UNC5A: variants seen among roughly 807,000 people sequenced by gnomAD.
UNC5A encodes the protein netrin receptor UNC5A.
UNC5A carries 20 observed loss-of-function variants against 87.4 expected under a neutral mutation model. The observed-to-expected ratio is 0.23, with a 90% confidence interval of 0.16 to 0.33. The LOEUF (loss-of-function observed/expected upper bound fraction) is 0.33, where lower values mean the gene tolerates loss of function less well. Ranked by LOEUF, UNC5A falls within the 10% of genes least tolerant of loss-of-function variation. The pLI is 1.00. For missense variants in UNC5A, 844 were observed against 1,133.4 expected (o/e 0.74, Z 3.67); for synonymous variants, 438 against 482.3 (o/e 0.91, Z 1.20).
intron 1 of UNC5A, among the ~76,000 whole-genome samples, chr5:176,827,517 G>T (rs1402842060): frequency 1.3e-5 from 2 of 152,124 alleles, no homozygotes; most frequent in Non-Finnish European, 2.9e-5. Context: ...ATATTTCATT[G>T]TATGGATGGA....
intron 1 of UNC5A, among the ~76,000 whole-genome samples, chr5:176,855,227 G>T (rs1757636716): frequency 6.6e-6 from 1 of 152,224 alleles, no homozygotes; most frequent in South Asian, 2.1e-4. Context: ...GCCTTACGAA[G>T]GCCTACAATG....
chr5:176,873,680 C>G (rs531239708), intron 6 of UNC5A, among the ~76,000 whole-genome samples: 36 of 152,302 alleles, frequency 2.4e-4, no homozygotes, highest in African/African-American at 8.2e-4. Flanking sequence ...GTTATCCGCT[C>G]TGGGGAAGTA....
chr5:176,842,208 A>G (rs181982410), intron 1 of UNC5A, among the ~76,000 whole-genome samples: 73 of 152,310 alleles, frequency 4.8e-4, no homozygotes, highest in African/African-American at 1.8e-3. Context: ...AAACAAAACA[A>G]AATCAAAAAA....
Position 176,844,032 on chromosome 5 carries a change from G to A in UNC5A, c.71-18592G>A, listed in dbSNP as rs772278321. Among the ~76,000 whole-genome samples, 43 of 152,256 alleles carry A rather than the reference G, an allele frequency of 2.8e-4. No homozygotes were observed. The highest frequency in any genetic ancestry group is 5.4e-4 in the Non-Finnish European group (37 of 68,046). On this transcript the variant is annotated intron_variant, in intron 1 of 14. Coordinates refer to ENST00000329542, the MANE Select transcript of UNC5A (RefSeq NM_133369.3). This position sits in a 1 kb window ranked among gnomAD's most constrained non-coding sequence, Gnocchi z 4.2. ...CTTGGGGCTAATTATAGGCACAGAGGAGAGGATTATTTACAGAGACAGGAG... is the reference window on the plus strand; with the variant it reads ...CTTGGGGCTAATTATAGGCACAGAGAAGAGGATTATTTACAGAGACAGGAG...
At chr5:176,825,432 G>C (rs189762411) in intron 1 of UNC5A, among the ~76,000 whole-genome samples, 1 of 152,214 alleles carries the variant, frequency 6.6e-6, no homozygotes, top group Non-Finnish European at 1.5e-5. Context: ...CAGGGAGAGC[G>C]GCCGGAGGAC....
At chr5:176,859,118 CATGGCTGCTAGAATGCCCTTGCT>C (rs1757756488) in intron 1 of UNC5A, among the ~76,000 whole-genome samples, 1 of 117,752 alleles carries the variant, frequency 8.5e-6, no homozygotes, top group Non-Finnish European at 1.8e-5. Flanking sequence ...TGCTAGAGGG[CATGGCTGCTAGAATGCCCTTGCT>C]AGAGGGCATA....
At chr5:176,870,121 A>T (rs1453541957) in intron 5 of UNC5A, among the ~76,000 whole-genome samples, 4 of 152,158 alleles carry the variant, frequency 2.6e-5, no homozygotes, top group Admixed American at 2.6e-4. Context: ...GGGCCAGGAC[A>T]GCCTCCCTGG....
intron 1 of UNC5A, among the ~76,000 whole-genome samples, chr5:176,850,377 C>T (rs191795231): frequency 3.9e-4 from 60 of 151,988 alleles, no homozygotes; most frequent in Middle Eastern, 3.4e-3. Context: ...AGGTTGAGGA[C>T]GGCACTGAGC....
chr5:176,858,977 G>A (rs933983811), intron 1 of UNC5A, among the ~76,000 whole-genome samples: 4 of 152,168 alleles, frequency 2.6e-5, no homozygotes, highest in African/African-American at 7.2e-5. Context: ...CAGTGAGCTC[G>A]GGGGCCAGAG....
At chr5:176,879,223 A>T in intron 13 of UNC5A, 87 bp from the exon 14 acceptor site, 1 of 1,449,306 alleles carries the variant, frequency 6.9e-7, no homozygotes, top group Non-Finnish European at 9.3e-7. Context: ...GCTCTGGGGG[A>T]GTCTGGGAGC....
rs73341810 is a variant in UNC5A at position 176,860,949 on chromosome 5, G to A, written c.71-1675G>A. ...CCAGAGAGTGAGAGGAGGGGCAGGC[G>A]CCCAGGGAGGGCCGGCGACCCAGCA... On this transcript the variant is annotated intron_variant, in intron 1 of 14. Coordinates refer to ENST00000329542, the MANE Select transcript of UNC5A (RefSeq NM_133369.3). Among the ~76,000 whole-genome samples, 968 of 152,222 alleles carry A rather than the reference G, an allele frequency of 6.4e-3. 12 individuals are homozygous for A. Among genetic ancestry groups the A allele is most frequent in the African/African-American group, 0.022 (922 of 41,530 alleles).
Position 176,875,895 on chromosome 5 carries a change from G to T in UNC5A, c.1379-1297G>T, listed in dbSNP as rs112795576. Among the ~76,000 whole-genome samples the T allele has an allele frequency of 4.1e-3, 623 of 152,322 alleles. 4 individuals are homozygous for T. The highest frequency in any genetic ancestry group is 0.014 in the African/African-American group (591 of 41,574). Reference sequence around the variant, plus strand: ...ACAGCTCTTGCCGTCTGTGCCTCACGTCCACACGGATGATAACGAACCCCT... The same window carrying T: ...ACAGCTCTTGCCGTCTGTGCCTCACTTCCACACGGATGATAACGAACCCCT... On this transcript the variant is annotated intron_variant, in intron 8 of 14. Transcript: ENST00000329542. This position sits in a 1 kb window ranked among gnomAD's most constrained non-coding sequence, Gnocchi z 5.2.
intron 1 of UNC5A, among the ~76,000 whole-genome samples, chr5:176,831,493 T>C (rs1354419907): frequency 2.6e-5 from 4 of 152,212 alleles, no homozygotes; most frequent in African/African-American, 9.6e-5. Context: ...GGGGGCTCCA[T>C]TCCTTAGGAA....
chr5:176,852,371 G>C (rs1277286792), intron 1 of UNC5A, among the ~76,000 whole-genome samples: 3 of 150,490 alleles, frequency 2.0e-5, no homozygotes, highest in Non-Finnish European at 2.9e-5. Flanking sequence ...CCCACACACA[G>C]AAGCACACAC....
chr5:176,827,543 C>T (rs975902755), intron 1 of UNC5A, among the ~76,000 whole-genome samples: 3 of 152,178 alleles, frequency 2.0e-5, no homozygotes, highest in Non-Finnish European at 2.9e-5. Flanking sequence ...TTTGGTTTAT[C>T]CATTCACCCA....
At chr5:176,850,845 A>C (rs1302007006) in intron 1 of UNC5A, among the ~76,000 whole-genome samples, 4 of 152,186 alleles carry the variant, frequency 2.6e-5, no homozygotes, top group Non-Finnish European at 5.9e-5. Context: ...TCACCATCCT[A>C]GTGTGGGCAG....
At chr5:176,830,727 T>TGTGG (rs1756992339) in intron 1 of UNC5A, among the ~76,000 whole-genome samples, 1 of 122,314 alleles carries the variant, frequency 8.2e-6, no homozygotes, top group Admixed American at 8.5e-5. Flanking sequence ...CTGGCATGTA[T>TGTGG]GTGTGGGTGT....
chr5:176,840,874 G>C (rs1238430753), intron 1 of UNC5A, among the ~76,000 whole-genome samples: 2 of 152,236 alleles, frequency 1.3e-5, no homozygotes, highest in African/African-American at 4.8e-5. Flanking sequence ...CCCCGCCTTT[G>C]TTATGGGTCC....
rs749282231 is a variant in UNC5A, at chr5:176,878,121, A to G, written c.1863A>G (p.Ala621=). 3 of 1,608,048 alleles carry G rather than the reference A, an allele frequency of 1.9e-6. No homozygotes were observed. Among genetic ancestry groups the G allele is most frequent in the African/African-American group, 1.3e-5 (1 of 74,968 alleles). The part of the protein sequence containing the change: ...RVYCLHDTHD[A]LKEVVQLEKQ... ...ACTGCCTGCATGACACCCACGATGC[A>G]CTCAAGGTATCTCCCGCCCCTCACC... is the stretch of plus-strand genomic sequence containing the variant. Residue 621 remains alanine, a synonymous_variant, in exon 11 of 15, where the codon GCA becomes GCG. Transcript: ENST00000329542.
Sources: allele counts gnomAD v4.1 joint callset (sites outside exome capture counted in the v4.1 genomes callset), GRCh38; gene constraint gnomAD v4.1.1; non-coding constraint Gnocchi (gnomAD v3.1); transcripts MANE v1.5; gene names NCBI Gene and HGNC (gene_info 2026-07-23, HGNC 2026-07-21).